PAM: variants seen among roughly 807,000 people sequenced by gnomAD.
The protein encoded by PAM is peptidylglycine alpha-amidating monooxygenase, also known as peptidyl-glycine alpha-amidating monooxygenase.
A neutral mutation model predicts 122.1 loss-of-function variants in PAM; 72 were observed. The observed-to-expected ratio is 0.59, with a 90% CI of 0.49 to 0.72. The LOEUF (loss-of-function observed/expected upper bound fraction) is 0.72, where lower values mean the gene tolerates loss of function less well. Ranked by LOEUF, PAM falls within the 30% of genes least tolerant of loss-of-function variation. PAM has a pLI of 0.00. For synonymous variants in PAM, 389 were observed against 404.4 expected, an observed-to-expected ratio of 0.96 and a Z score of 0.46; for missense variants, 1,106 against 1,183.7, an observed-to-expected ratio of 0.93 and a Z score of 0.96.
chr5:103,013,765 TA>T (rs1781269396), intron 21 of PAM, among the ~76,000 whole-genome samples: 1 of 152,120 alleles, frequency 6.6e-6, no homozygotes, highest in Non-Finnish European at 1.5e-5. Context: ...TGAATAAGGG[TA>T]AAAGGGTGAA....
chr5:102,930,035 A>T (rs1225119951), intron 7 of PAM, among the ~76,000 whole-genome samples: 2 of 152,116 alleles, frequency 1.3e-5, no homozygotes, highest in East Asian at 3.9e-4. Context: ...CTGTGATTTT[A>T]GAGTGAGTTC....
At chr5:102,778,357 C>G (rs965860829) in intron 1 of PAM, among the ~76,000 whole-genome samples, 1 of 152,034 alleles carries the variant, frequency 6.6e-6, no homozygotes, top group Non-Finnish European at 1.5e-5. Flanking sequence ...CCAGAGCATT[C>G]TATATAGTAT....
intron 1 of PAM, among the ~76,000 whole-genome samples, chr5:102,789,634 G>A (rs114753981): frequency 0.02 from 3,013 of 152,180 alleles, 66 homozygotes; most frequent in South Asian, 0.094. Flanking sequence ...GGGCTGGGAG[G>A]AAGAGAGAAT....
intron 1 of PAM, among the ~76,000 whole-genome samples, chr5:102,776,799 T>G (rs887216721): frequency 6.6e-6 from 1 of 152,140 alleles, no homozygotes; most frequent in Non-Finnish European, 1.5e-5. Flanking sequence ...TATTTCACAT[T>G]GTTATGTAAC....
intron 3 of PAM, among the ~76,000 whole-genome samples, chr5:102,872,960 A>G (rs933828479): frequency 1.3e-5 from 2 of 152,104 alleles, no homozygotes; most frequent in Non-Finnish European, 2.9e-5. Context: ...AAAACTACCT[A>G]CAGCCTACTA....
intron 24 of PAM, 34 bp downstream of exon 24, chr5:103,025,368 GC>G: frequency 6.5e-7 from 1 of 1,529,552 alleles, no homozygotes; most frequent in Non-Finnish European, 9.1e-7. Flanking sequence ...CTTGGAACCT[GC>G]CTTTGAAAGA....
At chr5:102,990,194 T>G (rs992334937) in intron 15 of PAM, 78 bp from the exon 16 acceptor site, 1 of 1,090,268 alleles carries the variant, frequency 9.2e-7, no homozygotes, top group African/African-American at 1.6e-5. Flanking sequence ...TTGCATGAGC[T>G]TCTTGTAACT....
At chr5:102,974,036 A>AT in intron 14 of PAM, 80 bp from the exon 15 acceptor site, 1 of 894,284 alleles carries the variant, frequency 1.1e-6, no homozygotes, top group East Asian at 2.5e-5. Context: ...ATGAGTAGAT[A>AT]TTTTTTAAAG....
At chr5:102,873,606 C>T (rs1158556271) in intron 3 of PAM, 1 of 152,198 alleles carries the variant, frequency 6.6e-6, no homozygotes, top group Non-Finnish European at 1.5e-5. Flanking sequence ...ATAGACATAG[C>T]AAATGAGGGT....
intron 3 of PAM, among the ~76,000 whole-genome samples, chr5:102,895,426 T>C (rs1795939434): frequency 6.6e-6 from 1 of 151,736 alleles, no homozygotes; most frequent in African/African-American, 2.4e-5. Context: ...GTCTGGTTCC[T>C]GGGAATTACT....
At chr5:103,030,136 A>C (rs1283306781), downstream of PAM, 1 of 152,086 alleles carries the variant, frequency 6.6e-6, no homozygotes, top group Non-Finnish European at 1.5e-5. Flanking sequence ...TTGGGAGGCC[A>C]AGCAGAAGGA....
At chr5:102,909,301 A>C (rs1800671922) in intron 4 of PAM, among the ~76,000 whole-genome samples, 1 of 151,894 alleles carries the variant, frequency 6.6e-6, no homozygotes. Context: ...CTCACATGAT[A>C]TAATACAGAG....
intron 8 of PAM, 101 bp from the exon 9 acceptor site, chr5:102,948,277 T>C: frequency 4.9e-6 from 3 of 606,294 alleles, no homozygotes; most frequent in South Asian, 4.7e-5. Context: ...TTCAAAAGCA[T>C]CACATTTTAT....
At chr5:103,015,251 T>C (rs994015435) in intron 21 of PAM, among the ~76,000 whole-genome samples, 2 of 152,186 alleles carry the variant, frequency 1.3e-5, no homozygotes, top group Admixed American at 6.5e-5. Flanking sequence ...AGAAGAACTG[T>C]TTTACTTAAT....
chr5:102,831,450 C>A (rs467693), intron 1 of PAM, among the ~76,000 whole-genome samples: 2 of 148,728 alleles, frequency 1.3e-5, no homozygotes, highest in Non-Finnish European at 1.5e-5. Flanking sequence ...TTTTTTTTTA[C>A]AAAGTATGCC....
At chr5:102,863,935 C>A (rs1784819633) in intron 1 of PAM, among the ~76,000 whole-genome samples, 1 of 150,984 alleles carries the variant, frequency 6.6e-6, no homozygotes, top group South Asian at 2.1e-4. Flanking sequence ...AACTTTAATT[C>A]CCTTTTCTTT....
At chr5:102,882,024 T>A (rs1290998019) in intron 3 of PAM, among the ~76,000 whole-genome samples, 2 of 136,390 alleles carry the variant, frequency 1.5e-5, no homozygotes, top group African/African-American at 5.4e-5. Context: ...TTCATTCCTT[T>A]TTGTGGCTGA....
At chr5:102,758,835 G>T (rs938223431) in intron 1 of PAM, among the ~76,000 whole-genome samples, 2 of 152,160 alleles carry the variant, frequency 1.3e-5, no homozygotes, top group African/African-American at 4.8e-5. Context: ...AGGGTAGGGG[G>T]AGGGGGGAAG....
At chr5:102,765,730 C>G (rs1403361136) in intron 1 of PAM, among the ~76,000 whole-genome samples, 1 of 152,198 alleles carries the variant, frequency 6.6e-6, no homozygotes, top group Admixed American at 6.5e-5. Flanking sequence ...AGAACCTGTT[C>G]TGATAGCCTC....
Sources: gnomAD v4.1 joint callset for allele counts (sites outside exome capture counted in the v4.1 genomes callset) on GRCh38, gnomAD v4.1.1 for gene constraint, MANE v1.5 for transcripts, NCBI Gene and HGNC (gene_info 2026-07-23, HGNC 2026-07-21) for gene names.